EIPR1: variants seen among roughly 807,000 people sequenced by gnomAD.
EIPR1 encodes EARP complex and GARP complex interacting protein 1.
In EIPR1, 25 loss-of-function variants were observed where a neutral mutation model predicts 48.1. The observed-to-expected ratio is 0.52, with a 90% CI of 0.38 to 0.73. The LOEUF (loss-of-function observed/expected upper bound fraction) is 0.73. Ranked by LOEUF, EIPR1 falls within the 30% of genes least tolerant of loss-of-function variation. EIPR1 has a pLI of 0.00. For synonymous variants in EIPR1, 204 were observed against 201.9 expected, an observed-to-expected ratio of 1.01 and a Z score of -0.09; for missense variants, 415 against 506.2, an observed-to-expected ratio of 0.82 and a Z score of 1.73.
At chr2:3,247,320 A>T (rs1258835221) in intron 4 of EIPR1, among the ~76,000 whole-genome samples, 1 of 152,204 alleles carries the variant, frequency 6.6e-6, no homozygotes, top group African/African-American at 2.4e-5. Context: ...AGCAGGGAGC[A>T]TTAATCTACA....
In EIPR1 at chr2:3,299,618, TCTCTCTCACACACACA is replaced by T. The variant is rs1376477000; in HGVS notation, c.259+38383_259+38398del. On this transcript the variant is annotated intron_variant, in intron 3 of 8. Coordinates refer to ENST00000382125, the MANE Select transcript of EIPR1 (RefSeq NM_003310.5). ...GGAAAATATTTTCTCTCTCTCTCTC[TCTCTCTCACACACACA>T]CACACACACACACACACACACACAC... is the stretch of plus-strand genomic sequence containing the variant. 4.1e-3 allele frequency among the ~76,000 whole-genome samples: 523 copies of T among 126,062 alleles called. 2 individuals are homozygous for T. The highest frequency in any genetic ancestry group is 0.015 in the African/African-American group (501 of 33,984). The allele number at this position is 126,062 out of a possible 152,430, so 82.7% of individuals were successfully genotyped here.
chr2:3,286,508 C>T lies in EIPR1; in HGVS notation c.260-29053G>A, dbSNP rs1254003678. ...CGAGAGGTGAGGGACACTTGGTGTC[C>T]GTGACAGGGAAAGGCTGAGGCATCA... is the stretch of plus-strand genomic sequence containing the variant. On this transcript the variant is annotated intron_variant, in intron 3 of 8. Transcript: ENST00000382125. The surrounding 1 kb of genome is among the most constrained non-coding windows in gnomAD (Gnocchi z 4.2). Among the ~76,000 whole-genome samples, 1 of 152,180 alleles carries T rather than the reference C, an allele frequency of 6.6e-6. No homozygotes were observed. The highest frequency in any genetic ancestry group is 2.4e-5 in the African/African-American group (1 of 41,436).
chr2:3,299,368 T>C (rs12612006), intron 3 of EIPR1, among the ~76,000 whole-genome samples: 4 of 135,136 alleles, frequency 3.0e-5, no homozygotes, highest in Non-Finnish European at 6.7e-5. Context: ...GGTCAGCTCA[T>C]TGTCCCAGCG....
chr2:3,262,398 G>T (rs970636293), intron 3 of EIPR1, among the ~76,000 whole-genome samples: 2 of 152,210 alleles, frequency 1.3e-5, no homozygotes, highest in African/African-American at 4.8e-5. Context: ...TGCTACTTCT[G>T]CTGAGGACAC....
chr2:3,194,649 A>G (rs1664743632), intron 6 of EIPR1, among the ~76,000 whole-genome samples: 1 of 151,998 alleles, frequency 6.6e-6, no homozygotes, highest in African/African-American at 2.4e-5. Flanking sequence ...TACAACACAA[A>G]ATATCTATCT....
chr2:3,231,613 A>AT (rs1666246431), intron 4 of EIPR1, among the ~76,000 whole-genome samples: 1 of 152,092 alleles, frequency 6.6e-6, no homozygotes, highest in Non-Finnish European at 1.5e-5. Flanking sequence ...GTTTTTGTCT[A>AT]TTTTGTTAAT....
At chr2:3,335,424 G>A (rs1572457498) in intron 3 of EIPR1, among the ~76,000 whole-genome samples, 3 of 152,208 alleles carry the variant, frequency 2.0e-5, no homozygotes, top group Admixed American at 2.0e-4. Flanking sequence ...GCAGGACCAT[G>A]GAGGCAGCTC....
At chr2:3,368,601 C>T (rs1671033235) in intron 1 of EIPR1, among the ~76,000 whole-genome samples, 1 of 152,162 alleles carries the variant, frequency 6.6e-6, no homozygotes, top group African/African-American at 2.4e-5. Context: ...TTGACCCACA[C>T]AACAAAGAAG....
At chr2:3,261,571 G>A (rs1219604818) in intron 3 of EIPR1, 2 of 152,298 alleles carry the variant, frequency 1.3e-5, no homozygotes, top group African/African-American at 4.8e-5. Flanking sequence ...CCTGGGCAAA[G>A]GGTAATCCCC....
intron 3 of EIPR1, among the ~76,000 whole-genome samples, chr2:3,260,350 G>A (rs1274521381): frequency 6.6e-6 from 1 of 152,106 alleles, no homozygotes; most frequent in Non-Finnish European, 1.5e-5. Context: ...AATTAGCTGG[G>A]CATGGTGGTG....
At chr2:3,294,550 C>T (rs1668472688) in intron 3 of EIPR1, among the ~76,000 whole-genome samples, 2 of 135,244 alleles carry the variant, frequency 1.5e-5, no homozygotes, top group South Asian at 5.3e-4. Flanking sequence ...CCGATCCTCT[C>T]TACACACACC....
At chr2:3,256,339 G>A (rs1223177211) in intron 4 of EIPR1, among the ~76,000 whole-genome samples, 12 of 152,172 alleles carry the variant, frequency 7.9e-5, no homozygotes, top group South Asian at 2.1e-4. Context: ...CGTACAGTTC[G>A]TAATGATTTC....
chr2:3,233,808 G>A (rs1417968581), intron 4 of EIPR1, among the ~76,000 whole-genome samples: 1 of 152,148 alleles, frequency 6.6e-6, no homozygotes, highest in Non-Finnish European at 1.5e-5. Flanking sequence ...GGCCTAAGTG[G>A]GTGAAGAATT....
At chr2:3,367,571 C>T (rs1572490049) in intron 1 of EIPR1, among the ~76,000 whole-genome samples, 2 of 152,158 alleles carry the variant, frequency 1.3e-5, no homozygotes, top group Non-Finnish European at 2.9e-5. Context: ...TGAAAATTTT[C>T]AGTAAATGAC....
chr2:3,317,713 G>C (rs377083554), intron 3 of EIPR1, among the ~76,000 whole-genome samples: 3 of 152,222 alleles, frequency 2.0e-5, no homozygotes, highest in Admixed American at 2.0e-4. Context: ...CCTCTAAGGA[G>C]GTAACTAAGG....
intron 5 of EIPR1, among the ~76,000 whole-genome samples, chr2:3,207,317 C>T (rs1665271468): frequency 6.6e-6 from 1 of 152,220 alleles, no homozygotes; most frequent in African/African-American, 2.4e-5. Context: ...GGAAGGGGAC[C>T]TCGTTTTGCA....
chr2:3,296,169 T>A (rs1668583016), intron 3 of EIPR1, among the ~76,000 whole-genome samples: 1 of 100,578 alleles, frequency 9.9e-6, no homozygotes, highest in Non-Finnish European at 2.0e-5. Context: ...CAGCCCCTCC[T>A]CTCCCTGCAC....
chr2:3,362,934 G>T (rs1184393452), intron 1 of EIPR1, among the ~76,000 whole-genome samples: 6 of 152,176 alleles, frequency 3.9e-5, no homozygotes, highest in Non-Finnish European at 8.8e-5. Context: ...CATACACATG[G>T]TAGGAAGGAG....
intron 3 of EIPR1, among the ~76,000 whole-genome samples, chr2:3,285,219 A>G (rs1157208782): frequency 6.6e-6 from 1 of 152,162 alleles, no homozygotes; most frequent in East Asian, 1.9e-4. Flanking sequence ...AACCTGGGAC[A>G]GGGCAGGGGA....
Sources: allele counts gnomAD v4.1 joint callset (sites outside exome capture counted in the v4.1 genomes callset), GRCh38; gene constraint gnomAD v4.1.1; non-coding constraint Gnocchi (gnomAD v3.1); transcripts MANE v1.5; gene names NCBI Gene and HGNC (gene_info 2026-07-23, HGNC 2026-07-21).